The following DACH1 variants were observed in gnomAD, a reference collection of about 807,000 sequenced individuals.
DACH1 encodes the protein dachshund family transcription factor 1.
Under a neutral mutation model 54.2 loss-of-function variants are expected in DACH1, and 12 were observed. That is an observed-to-expected ratio of 0.22 (90% CI 0.14 to 0.36). DACH1 has a LOEUF of 0.36. Among genes scored for constraint, DACH1 ranks in the 10% least tolerant of loss-of-function variants. The pLI is 1.00. For missense variants in DACH1, 805 were observed against 929.8 expected, an observed-to-expected ratio of 0.87 and a Z score of 1.75; for synonymous variants, 386 against 366.2, an observed-to-expected ratio of 1.05 and a Z score of -0.62.
chr13:71,718,883 T>C (rs1883106120), intron 1 of DACH1, among the ~76,000 whole-genome samples: 1 of 152,226 alleles, frequency 6.6e-6, no homozygotes, highest in Non-Finnish European at 1.5e-5. Context: ...GATAACTGGC[T>C]GCTCTATCAA....
At chr13:71,754,258 C>T (rs1038981380) in intron 1 of DACH1, among the ~76,000 whole-genome samples, 2 of 152,094 alleles carry the variant, frequency 1.3e-5, no homozygotes, top group Admixed American at 6.6e-5. Context: ...CTTCTGGCAT[C>T]GCCCATGGCT....
At chr13:71,571,952 G>A (rs1885238506) in intron 4 of DACH1, among the ~76,000 whole-genome samples, 1 of 151,924 alleles carries the variant, frequency 6.6e-6, no homozygotes. Context: ...AGCCAGGATG[G>A]TCTCGATCTT....
intron 2 of DACH1, among the ~76,000 whole-genome samples, chr13:71,648,994 G>A (rs1261473120): frequency 1.3e-5 from 2 of 152,128 alleles, no homozygotes; most frequent in Non-Finnish European, 2.9e-5. Flanking sequence ...AACTTGCTAG[G>A]TAAATATGTT....
At position 71,557,012 on chromosome 13, in the gene DACH1, A is replaced by G. The variant is rs746930634; in HGVS notation, c.1570+12T>C. 8.2e-6 allele frequency: 13 copies of G among 1,589,314 alleles called. No homozygotes were observed. Among genetic ancestry groups the G allele is most frequent in the Admixed American group, 5.5e-5 (3 of 54,894 alleles). ...AATCGGGAAAAACAAGGAATATATA[A>G]TCATACATTACCTTTTTCAATATGC... On this transcript the variant is annotated intron_variant, in intron 6 of 10. Coordinates refer to ENST00000613252, the MANE Select transcript of DACH1 (RefSeq NM_080759.6).
chr13:71,783,979 AAC>A (rs59861335), intron 1 of DACH1, among the ~76,000 whole-genome samples: 2,018 of 147,448 alleles, frequency 0.014, 63 homozygotes, highest in African/African-American at 0.048. Context: ...AAAAAAAAAA[AAC>A]AAAAAAAAAA....
At chr13:71,783,048 A>G in intron 1 of DACH1, among the ~76,000 whole-genome samples, 1 of 152,342 alleles carries the variant, frequency 6.6e-6, no homozygotes, top group Non-Finnish European at 1.5e-5. Flanking sequence ...TTGACAGTGA[A>G]AGATAACAAC....
At chr13:71,658,263 T>C (rs910850872) in intron 2 of DACH1, among the ~76,000 whole-genome samples, 3 of 152,154 alleles carry the variant, frequency 2.0e-5, no homozygotes, top group Admixed American at 6.6e-5. Flanking sequence ...ATACTCAAAA[T>C]TGATGGCCAG....
At chr13:71,822,369 T>C (rs1258102184) in intron 1 of DACH1, among the ~76,000 whole-genome samples, 2 of 152,192 alleles carry the variant, frequency 1.3e-5, no homozygotes, top group Non-Finnish European at 2.9e-5. Flanking sequence ...ATGAAGTATG[T>C]CTTTATTTTC....
chr13:71,561,770 T>G (rs528944545), intron 4 of DACH1, among the ~76,000 whole-genome samples: 74 of 152,266 alleles, frequency 4.9e-4, no homozygotes, highest in Admixed American at 8.5e-4. Context: ...GAACCAAGAT[T>G]GAGCTGTACT....
chr13:71,746,417 G>A (rs1004687213), intron 1 of DACH1, among the ~76,000 whole-genome samples: 11 of 152,102 alleles, frequency 7.2e-5, no homozygotes, highest in Non-Finnish European at 1.6e-4. Context: ...TTTGGTCACT[G>A]ATGAAAAGTA....
intron 1 of DACH1, among the ~76,000 whole-genome samples, chr13:71,792,709 C>A (rs1472018287): frequency 6.6e-6 from 1 of 152,176 alleles, no homozygotes; most frequent in African/African-American, 2.4e-5. Context: ...GAGGCATATA[C>A]TCTTAGTGGT....
rs137935295 is a variant in DACH1, at chr13:71,612,607, T to G, written c.1126+17949A>C. Among the ~76,000 whole-genome samples, 56 of 152,254 alleles carry G rather than the reference T, an allele frequency of 3.7e-4. 1 individual carries two copies. Among genetic ancestry groups the G allele is most frequent in the African/African-American group, 1.3e-3 (55 of 41,558 alleles). ...ACATAATGTCAAGCAAAAAACGATC[T>G]TCTCTGGGATTCAAGTTACTCATCT... On this transcript the variant is annotated intron_variant, in intron 3 of 10. Transcript: ENST00000613252.
At chr13:71,520,890 G>C (rs922002392) in intron 6 of DACH1, among the ~76,000 whole-genome samples, 2 of 151,922 alleles carry the variant, frequency 1.3e-5, no homozygotes, top group African/African-American at 4.8e-5. Context: ...AGGCAGATAT[G>C]TAGGCTAAAA....
At chr13:71,473,678 AT>A (rs1477968843) in intron 10 of DACH1, among the ~76,000 whole-genome samples, 1 of 152,106 alleles carries the variant, frequency 6.6e-6, no homozygotes, top group African/African-American at 2.4e-5. Flanking sequence ...GCAGGACGAT[AT>A]TGTTTCAATT....
intron 1 of DACH1, among the ~76,000 whole-genome samples, chr13:71,712,349 T>C (rs1882759882): frequency 1.3e-5 from 2 of 152,120 alleles, no homozygotes; most frequent in Admixed American, 6.5e-5. Flanking sequence ...CAGGCAATGA[T>C]TATGTCTGGG....
intron 6 of DACH1, among the ~76,000 whole-genome samples, chr13:71,521,847 C>T (rs908277830): frequency 6.6e-6 from 1 of 152,106 alleles, no homozygotes; most frequent in African/African-American, 2.4e-5. Flanking sequence ...TACTTAAACA[C>T]CATACTGTCC....
intron 3 of DACH1, among the ~76,000 whole-genome samples, chr13:71,619,277 G>A (rs1055111883): frequency 2.0e-5 from 3 of 151,888 alleles, no homozygotes; most frequent in African/African-American, 7.2e-5. Context: ...CAAACACATT[G>A]ATATTAATTG....
chr13:71,629,102 C>A (rs557493862), intron 3 of DACH1, among the ~76,000 whole-genome samples: 1 of 152,178 alleles, frequency 6.6e-6, no homozygotes, highest in South Asian at 2.1e-4. Flanking sequence ...AAGGCTTTTA[C>A]TTTAAAGTAA....
chr13:71,640,564 C>A (rs746216316), intron 2 of DACH1, among the ~76,000 whole-genome samples: 4 of 152,028 alleles, frequency 2.6e-5, no homozygotes, highest in Non-Finnish European at 5.9e-5. Flanking sequence ...TGCCTTGACT[C>A]TAATTTTCTT....
Sources: allele counts gnomAD v4.1 joint callset (sites outside exome capture counted in the v4.1 genomes callset), GRCh38; gene constraint gnomAD v4.1.1; transcripts MANE v1.5; gene names NCBI Gene and HGNC (gene_info 2026-07-23, HGNC 2026-07-21).